Variants in SPCS3 observed in about 807,000 individuals in gnomAD.
The protein encoded by SPCS3 is SPase 22 kDa subunit.
A neutral mutation model predicts 17.2 loss-of-function variants in SPCS3; 9 were observed. The observed-to-expected ratio is 0.52, with a 90% confidence interval of 0.31 to 0.91. The LOEUF (loss-of-function observed/expected upper bound fraction) is 0.91. Ranked by LOEUF, SPCS3 falls within the 40% of genes least tolerant of loss-of-function variation. SPCS3 has a pLI of 0.04. For synonymous variants in SPCS3, 87 were observed against 89.6 expected (o/e 0.97, Z 0.16); for missense variants, 139 against 217.5 (o/e 0.64, Z 2.27).
chr4:176,324,674 A>C (rs771273570), intron 3 of SPCS3, among the ~76,000 whole-genome samples: 4 of 152,274 alleles, frequency 2.6e-5, no homozygotes, highest in Non-Finnish European at 5.9e-5. Context: ...CATGTTGTAA[A>C]ATATTGCAGT....
chr4:176,321,919 A>G, intron 1 of SPCS3: 1 of 302,214 alleles, frequency 3.3e-6, no homozygotes, highest in Non-Finnish European at 6.2e-6. Context: ...TCTTTTTAGC[A>G]GTTTTTATCC....
intron 3 of SPCS3, 73 bp from the exon 4 acceptor site, chr4:176,327,089 C>T: frequency 2.2e-6 from 2 of 894,290 alleles, no homozygotes; most frequent in Non-Finnish European, 3.4e-6. Context: ...TATTTGCTTA[C>T]TAATACTTTT....
At chr4:176,321,928 C>G in intron 1 of SPCS3, 1 of 324,396 alleles carries the variant, frequency 3.1e-6, no homozygotes, top group East Asian at 5.3e-5. Context: ...CAGTTTTTAT[C>G]CCCTTCTGAG....
In SPCS3 at chr4:176,331,059, C is replaced by A. The variant is rs960189268; in HGVS notation, c.*2729C>A. ...CCTTTCCTGGAATTATTTTACAGTT[C>A]TTTGGTGGGTCTCGTCAGCCAATTC... On this transcript the variant is annotated 3_prime_UTR_variant, in exon 5 of 5. Transcript: ENST00000503362. 1 of 151,948 alleles carries A rather than the reference C, an allele frequency of 6.6e-6. No homozygotes were observed. Among genetic ancestry groups the A allele is most frequent in the Non-Finnish European group, 1.5e-5 (1 of 67,982 alleles). The allele number at this position is 151,948 out of a possible 1,614,324, so 9.4% of individuals were successfully genotyped here.
intron 4 of SPCS3, among the ~76,000 whole-genome samples, chr4:176,327,668 T>G (rs1462202088): frequency 6.6e-6 from 1 of 152,240 alleles, no homozygotes; most frequent in Non-Finnish European, 1.5e-5. Context: ...TCTCCAAACG[T>G]GACTTCTCTA....
At chr4:176,322,779 A>G (rs906564781) in intron 2 of SPCS3, among the ~76,000 whole-genome samples, 3 of 152,100 alleles carry the variant, frequency 2.0e-5, no homozygotes, top group African/African-American at 7.2e-5. Context: ...AATATTAACA[A>G]TTATAAGAGT....
intron 1 of SPCS3, chr4:176,320,423 C>G: frequency 3.1e-6 from 1 of 326,494 alleles, no homozygotes. Context: ...ACTTGCACCC[C>G]TCCACCGTAA....
chr4:176,322,423 T>C (rs1466146056), intron 2 of SPCS3, among the ~76,000 whole-genome samples, 180 bp downstream of exon 2: 1 of 152,186 alleles, frequency 6.6e-6, no homozygotes, highest in East Asian at 1.9e-4. Context: ...GAAAACTTCA[T>C]AGATTCATGA....
intron 3 of SPCS3, among the ~76,000 whole-genome samples, chr4:176,325,112 C>T (rs1346029099): frequency 2.7e-5 from 4 of 146,830 alleles, no homozygotes; most frequent in East Asian, 2.0e-4. Context: ...AGTACAGTAG[C>T]GCCGTCAATC....
intron 2 of SPCS3, 65 bp downstream of exon 2, chr4:176,322,308 A>G: frequency 9.1e-7 from 1 of 1,097,068 alleles, no homozygotes; most frequent in Non-Finnish European, 1.4e-6. Flanking sequence ...GTGTTGTTTA[A>G]TGATTTGGGA....
Position 176,331,565 on chromosome 4 carries a change from T to G in SPCS3, c.*3235T>G, listed in dbSNP as rs1233771698. The G allele has an allele frequency of 1.3e-5, 2 of 152,160 alleles. No homozygotes were observed. The highest frequency in any genetic ancestry group is 2.4e-5 in the African/African-American group (1 of 41,436). 9.4% of individuals were successfully genotyped at this position (152,160 alleles called of 1,614,324 possible). A position where few individuals can be genotyped will look rare whatever the true frequency, so the allele number is the denominator to read the frequency against. On this transcript the variant is annotated 3_prime_UTR_variant, in exon 5 of 5. Coordinates refer to ENST00000503362, the MANE Select transcript of SPCS3 (RefSeq NM_021928.4). The stretch of plus-strand genomic sequence containing the variant: ...TTCATGAAAATACTGAACATATGTT[T>G]GAGGATTTTTCTTTTCCTTTTTAAA...
At chr4:176,322,307 A>G in intron 2 of SPCS3, 64 bp downstream of exon 2, 1 of 1,145,198 alleles carries the variant, frequency 8.7e-7, no homozygotes, top group African/African-American at 1.5e-5. Flanking sequence ...TGTGTTGTTT[A>G]ATGATTTGGG....
chr4:176,322,330 T>A, intron 2 of SPCS3, 87 bp downstream of exon 2: 1 of 904,630 alleles, frequency 1.1e-6, no homozygotes, highest in Non-Finnish European at 1.7e-6. Context: ...ACAGTGTGAC[T>A]ATCTCATTGA....
intron 3 of SPCS3, among the ~76,000 whole-genome samples, chr4:176,324,902 CTAGA>C (rs1579358074): frequency 6.6e-6 from 1 of 151,994 alleles, no homozygotes; most frequent in Non-Finnish European, 1.5e-5. Flanking sequence ...CAAAGACAAC[CTAGA>C]TAGATCTGAT....
At position 176,328,210 on chromosome 4, in the gene SPCS3, T is replaced by C. The variant is rs899167936; in HGVS notation, c.423T>C (p.Asn141=). The C allele has an allele frequency of 6.2e-7, 1 of 1,612,682 alleles. No individual in the cohort carries two copies. The highest frequency in any genetic ancestry group is 1.1e-5 in the South Asian group (1 of 90,730). Residue 141 remains asparagine, a synonymous_variant, in exon 5 of 5, where the codon AAT becomes AAC. Coordinates refer to ENST00000503362, the MANE Select transcript of SPCS3 (RefSeq NM_021928.4). ...DDGNGLKGNR[N]VTLTLSWNVV... ...TATCTTTTTATAGGGGAAACAGGAATGTCACTTTGACCCTGTCTTGGAACG... is the reference window on the plus strand; with the variant it reads ...TATCTTTTTATAGGGGAAACAGGAACGTCACTTTGACCCTGTCTTGGAACG...
chr4:176,324,198 G>T lies in SPCS3; in HGVS notation c.235G>T (p.Asp79Tyr). 1 of 1,175,166 alleles carries T rather than the reference G, an allele frequency of 8.5e-7. No homozygotes were observed. Among genetic ancestry groups the T allele is most frequent in the South Asian group, 1.5e-5 (1 of 66,034 alleles). The allele number at this position is 1,175,166 out of a possible 1,614,324, so 72.8% of individuals were successfully genotyped here. A position where few individuals can be genotyped will look rare whatever the true frequency, so the allele number is the denominator to read the frequency against. ...TTACTTACATCTAGAGAATATATTT[G>T]ATTGGAATGTTAAGCAGTTGTTTCT... The part of the protein sequence containing the change: ...DITADLENIF[D>Y]WNVKQLFLYL... Residue 79 changes from aspartate (D) to tyrosine (Y), a missense_variant, in exon 3 of 5, where the codon GAT becomes TAT. By Grantham distance (160) the Asp-to-Tyr change is radical. Coordinates refer to ENST00000503362, the MANE Select transcript of SPCS3 (RefSeq NM_021928.4).
In SPCS3 at chr4:176,320,040, G is replaced by T; in HGVS notation, c.-37G>T. On this transcript the variant is annotated 5_prime_UTR_variant, in exon 1 of 5. Coordinates refer to ENST00000503362, the MANE Select transcript of SPCS3 (RefSeq NM_021928.4). ...CCGCCGCCGGAACGGGAGCCTGGGT[G>T]TGCGTGTGGAGTCCGGACTCGTGGG... 1 of 1,495,436 alleles carries T rather than the reference G, an allele frequency of 6.7e-7. No homozygotes were observed. 92.6% of individuals were successfully genotyped at this position (1,495,436 alleles called of 1,614,324 possible). A position where few individuals can be genotyped will look rare whatever the true frequency, so the allele number is the denominator to read the frequency against.
At chr4:176,325,627 A>G (rs555998959) in intron 3 of SPCS3, among the ~76,000 whole-genome samples, 3 of 152,050 alleles carry the variant, frequency 2.0e-5, no homozygotes, top group African/African-American at 4.8e-5. Flanking sequence ...CCATATAGCT[A>G]CAATTAATTA....
Position 176,328,381 on chromosome 4 carries a change from CATT to C in SPCS3, c.*53_*55del. On this transcript the variant is annotated 3_prime_UTR_variant, in exon 5 of 5. Transcript: ENST00000503362. Reference sequence around the variant, plus strand: ...TTTTTATACTTAATGAATTGTATCTCATTAATCTCTTCCCTTACATCTTCATGT... The same window carrying C: ...TTTTTATACTTAATGAATTGTATCTCAATCTCTTCCCTTACATCTTCATGT... 2.2e-6 allele frequency: 3 copies of C among 1,333,852 alleles called. No individual in the cohort carries two copies. Among genetic ancestry groups the C allele is most frequent in the Non-Finnish European group, 2.0e-6 (2 of 1,005,010 alleles). 82.6% of individuals were successfully genotyped at this position (1,333,852 alleles called of 1,614,324 possible).
Sources: allele counts gnomAD v4.1 joint callset (sites outside exome capture counted in the v4.1 genomes callset), GRCh38; gene constraint gnomAD v4.1.1; transcripts MANE v1.5; gene names NCBI Gene and HGNC (gene_info 2026-07-23, HGNC 2026-07-21).